LRRTM3: variants seen among roughly 807,000 people sequenced by gnomAD.
LRRTM3 encodes leucine-rich repeat transmembrane neuronal protein 3.
LRRTM3 carries 24 observed loss-of-function variants against 44.7 expected under a neutral mutation model. That is an observed-to-expected ratio of 0.54 (90% CI 0.39 to 0.76). The LOEUF is 0.76. LRRTM3 is among the 30% of genes least tolerant of loss of function. The probability of loss-of-function intolerance (pLI) is 0.00; values close to 1 mark genes in which losing one functional copy is unlikely to be tolerated. For synonymous variants in LRRTM3, 277 were observed against 278.7 expected, an observed-to-expected ratio of 0.99 and a Z score of 0.06; for missense variants, 587 against 702.2, an observed-to-expected ratio of 0.84 and a Z score of 1.85.
chr10:66,987,273 T>C lies in LRRTM3; in HGVS notation c.1536+58821T>C, dbSNP rs1237637142. Among the ~76,000 whole-genome samples, 5 of 152,228 alleles carry C rather than the reference T, an allele frequency of 3.3e-5. No homozygotes were observed. In the South Asian group the frequency reaches 6.2e-4, roughly 19 times the overall value. On this transcript the variant is annotated intron_variant, in intron 2 of 2. Coordinates refer to ENST00000361320, the MANE Select transcript of LRRTM3 (RefSeq NM_178011.5). ...GGCACATGACATGACCTGATTGACA[T>C]TGTAACAGGGGAGCAAGGCAGAATT... is the stretch of plus-strand genomic sequence containing the variant.
intron 2 of LRRTM3, among the ~76,000 whole-genome samples, chr10:66,966,579 T>G (rs1273539528): frequency 6.6e-6 from 1 of 152,042 alleles, no homozygotes; most frequent in Non-Finnish European, 1.5e-5. Flanking sequence ...TAGCCAACTG[T>G]AGGTCAGTTT....
At chr10:66,969,618 C>T (rs751467312) in intron 2 of LRRTM3, among the ~76,000 whole-genome samples, 3 of 152,040 alleles carry the variant, frequency 2.0e-5, no homozygotes, top group Non-Finnish European at 2.9e-5. Flanking sequence ...TAACTGCTCC[C>T]AGTAGTTATG....
At chr10:67,054,672 G>C (rs1263516050) in intron 2 of LRRTM3, 1 of 152,074 alleles carries the variant, frequency 6.6e-6, no homozygotes, top group Non-Finnish European at 1.5e-5. Context: ...TCACAAAGTG[G>C]GAGAGGCACT....
intron 2 of LRRTM3, among the ~76,000 whole-genome samples, chr10:67,039,479 T>A (rs914537251): frequency 6.6e-6 from 1 of 152,168 alleles, no homozygotes; most frequent in African/African-American, 2.4e-5. Context: ...TCCAAGTATA[T>A]AATAATTTTT....
At chr10:67,058,392 T>C (rs1453990062) in intron 2 of LRRTM3, among the ~76,000 whole-genome samples, 1 of 152,222 alleles carries the variant, frequency 6.6e-6, no homozygotes, top group African/African-American at 2.4e-5. Flanking sequence ...TTATTCTTTT[T>C]TAAAGTCCAC....
At chr10:67,097,126 G>C (rs897710328) in intron 2 of LRRTM3, among the ~76,000 whole-genome samples, 1 of 151,794 alleles carries the variant, frequency 6.6e-6, no homozygotes, top group Admixed American at 6.6e-5. Context: ...GTGGCAGGGG[G>C]TTGACTAGTT....
Position 66,928,140 on chromosome 10 carries a change from C to G in LRRTM3, c.1224C>G (p.Thr408=), listed in dbSNP as rs1021853253. ...TVGATEPGPE[T]DADAEHISFH... The stretch of plus-strand genomic sequence containing the variant: ...GAGCCACAGAGCCCGGCCCAGAGAC[C>G]GATGCTGACGCCGAGCACATCTCTT... Residue 408 remains threonine (T), a synonymous_variant, in exon 2 of 3, where the codon ACC becomes ACG. Coordinates refer to ENST00000361320, the MANE Select transcript of LRRTM3 (RefSeq NM_178011.5). 6.2e-6 allele frequency: 10 copies of G among 1,613,974 alleles called. No individual in the cohort carries two copies. The highest frequency in any genetic ancestry group is 1.6e-4 in the Middle Eastern group (1 of 6,084).
At position 67,101,239 on chromosome 10, in the gene LRRTM3, A is replaced by G. The variant is rs908479398; in HGVS notation, c.*3443A>G. ...GGAAAGAAACCCCAAGGAAAAAACC[A>G]AAGACCTTCTAAATTGAGACTGCAT... On this transcript the variant is annotated 3_prime_UTR_variant, in exon 3 of 3. Coordinates refer to ENST00000361320, the MANE Select transcript of LRRTM3 (RefSeq NM_178011.5). Among the ~76,000 whole-genome samples the G allele has an allele frequency of 4.0e-5, 6 of 151,782 alleles. No individual in the cohort carries two copies. Among genetic ancestry groups the G allele is most frequent in the African/African-American group, 1.2e-4 (5 of 41,404 alleles).
intron 2 of LRRTM3, among the ~76,000 whole-genome samples, chr10:67,076,993 G>C (rs1265716387): frequency 1.3e-5 from 2 of 152,156 alleles, no homozygotes; most frequent in East Asian, 3.9e-4. Context: ...AACTTGCATT[G>C]TCTCTTGTTT....
intron 2 of LRRTM3, among the ~76,000 whole-genome samples, chr10:67,071,546 G>C (rs1856466761): frequency 6.6e-6 from 1 of 150,814 alleles, no homozygotes; most frequent in African/African-American, 2.4e-5. Context: ...TTAAGATCTT[G>C]TTATCTGGTT....
intron 2 of LRRTM3, among the ~76,000 whole-genome samples, chr10:67,001,040 T>C (rs139858210): frequency 0.019 from 2,834 of 152,078 alleles, 109 homozygotes; most frequent in African/African-American, 0.065. Context: ...CAGTGGCTCA[T>C]GCCTGTAATC....
rs1179965306 is a variant in LRRTM3, at chr10:67,097,982, G to C, written c.*186G>C. 1.0e-5 allele frequency: 6 copies of C among 590,386 alleles called. No individual in the cohort carries two copies. The allele number at this position is 590,386 out of a possible 1,614,324, so 36.6% of individuals were successfully genotyped here. ...ATGAATTGTTTTAAGTCTACACTTT[G>C]TAATTAGCTAAGTTGTGCAGTATTT... On this transcript the variant is annotated 3_prime_UTR_variant, in exon 3 of 3. Coordinates refer to ENST00000361320, the MANE Select transcript of LRRTM3 (RefSeq NM_178011.5).
chr10:66,989,816 T>C (rs1291745205), intron 2 of LRRTM3, among the ~76,000 whole-genome samples: 6 of 152,144 alleles, frequency 3.9e-5, no homozygotes, highest in African/African-American at 1.4e-4. Flanking sequence ...GGAAACAGAC[T>C]TGAGTGCTTT....
chr10:66,956,387 C>G (rs988851932), intron 2 of LRRTM3, among the ~76,000 whole-genome samples: 1 of 151,952 alleles, frequency 6.6e-6, no homozygotes, highest in East Asian at 1.9e-4. Flanking sequence ...GCATTGCTTG[C>G]TATCTTGTTA....
intron 2 of LRRTM3, among the ~76,000 whole-genome samples, chr10:66,967,923 G>T (rs770736744): frequency 1.2e-4 from 18 of 152,106 alleles, no homozygotes; most frequent in Non-Finnish European, 1.6e-4. Flanking sequence ...CTATGATTCA[G>T]TGTGTTTCAA....
chr10:67,040,060 T>C (rs1854298424), intron 2 of LRRTM3, among the ~76,000 whole-genome samples: 1 of 152,098 alleles, frequency 6.6e-6, no homozygotes, highest in Non-Finnish European at 1.5e-5. Context: ...TTCATCTCTC[T>C]CTTTTTTTTG....
chr10:66,945,027 C>T (rs1308010996), intron 2 of LRRTM3, among the ~76,000 whole-genome samples: 1 of 152,076 alleles, frequency 6.6e-6, no homozygotes, highest in Non-Finnish European at 1.5e-5. Flanking sequence ...TTCTTAAGGG[C>T]CCCAGGATTT....
intron 2 of LRRTM3, among the ~76,000 whole-genome samples, chr10:66,957,391 TAC>T (rs1458937988): frequency 7.2e-4 from 10 of 13,852 alleles, no homozygotes; most frequent in African/African-American, 1.5e-3. Context: ...TGTATATATA[TAC>T]ATATATATAT....
chr10:66,974,355 T>C (rs1849901688), intron 2 of LRRTM3, among the ~76,000 whole-genome samples: 1 of 152,198 alleles, frequency 6.6e-6, no homozygotes, highest in South Asian at 2.1e-4. Flanking sequence ...TGCTGAGTAA[T>C]ACTCCCCTGT....
Sources: gnomAD v4.1 joint callset for allele counts (sites outside exome capture counted in the v4.1 genomes callset) on GRCh38, gnomAD v4.1.1 for gene constraint, MANE v1.5 for transcripts, NCBI Gene and HGNC (gene_info 2026-07-23, HGNC 2026-07-21) for gene names.